CAPN2: variants seen among roughly 807,000 people sequenced by gnomAD.
The protein encoded by CAPN2 is calpain 2.
A neutral mutation model predicts 102.3 loss-of-function variants in CAPN2; 92 were observed. The observed-to-expected ratio is 0.90, with a 90% confidence interval of 0.76 to 1.07. CAPN2 has a LOEUF of 1.07. Ranked by LOEUF, CAPN2 falls within the 50% of genes least tolerant of loss-of-function variation. The probability of loss-of-function intolerance (pLI) is 0.00; values close to 1 mark genes in which losing one functional copy is unlikely to be tolerated. For missense variants in CAPN2, 800 were observed against 909.4 expected (o/e 0.88, Z 1.55); for synonymous variants, 340 against 355.4 (o/e 0.96, Z 0.49).
At position 223,725,287 on chromosome 1, in the gene CAPN2, G is replaced by A. The variant is rs1660161137; in HGVS notation, c.307+7456G>A. 6.6e-6 allele frequency among the ~76,000 whole-genome samples: 1 copy of A among 152,110 alleles called. No individual in the cohort carries two copies. The highest frequency in any genetic ancestry group is 1.5e-5 in the Non-Finnish European group (1 of 68,034). On this transcript the variant is annotated intron_variant, in intron 2 of 20. Coordinates refer to ENST00000295006, the MANE Select transcript of CAPN2 (RefSeq NM_001748.5). This position sits in a 1 kb window ranked among gnomAD's most constrained non-coding sequence, Gnocchi z 4.1. ...AGTCCCAGCTACTCAGGAGGCTGAGGCAGGAGAATCGCTTGAACCTGAGAG... is the reference window on the plus strand; with the variant it reads ...AGTCCCAGCTACTCAGGAGGCTGAGACAGGAGAATCGCTTGAACCTGAGAG...
intron 14 of CAPN2, among the ~76,000 whole-genome samples, chr1:223,763,183 C>G (rs929799592): frequency 8.6e-5 from 13 of 151,550 alleles, no homozygotes; most frequent in Non-Finnish European, 1.5e-4. Context: ...TTATTTAGCC[C>G]TCTTTCTTCC....
At chr1:223,773,464 C>A (rs1033934092) in intron 20 of CAPN2, among the ~76,000 whole-genome samples, 3 of 151,994 alleles carry the variant, frequency 2.0e-5, no homozygotes, top group Non-Finnish European at 4.4e-5. Flanking sequence ...GAGGCCAAGG[C>A]GGGCGAATCA....
intron 16 of CAPN2, among the ~76,000 whole-genome samples, chr1:223,767,237 G>A (rs2102814927): frequency 6.6e-6 from 1 of 151,986 alleles, no homozygotes; most frequent in African/African-American, 2.4e-5. Flanking sequence ...TGTGCACAAT[G>A]TGCAGGTTAG....
Position 223,725,358 on chromosome 1 carries a change from G to A in CAPN2, c.307+7527G>A, listed in dbSNP as rs1207430340. 2.6e-5 allele frequency among the ~76,000 whole-genome samples: 4 copies of A among 151,916 alleles called. No homozygotes were observed. Among genetic ancestry groups the A allele is most frequent in the African/African-American group, 9.7e-5 (4 of 41,316 alleles). ...TGATCGCACCACTGCACTCCATCCT[G>A]GGCAATAGAGCGAGACTTCATCTCA... On this transcript the variant is annotated intron_variant, in intron 2 of 20. Transcript: ENST00000295006. The surrounding 1 kb of genome is among the most constrained non-coding windows in gnomAD (Gnocchi z 4.1).
intron 5 of CAPN2, among the ~76,000 whole-genome samples, chr1:223,748,632 T>C (rs554306806): frequency 4.6e-5 from 7 of 152,086 alleles, no homozygotes; most frequent in African/African-American, 1.7e-4. Context: ...TGTCTGGGTA[T>C]CAGCCCTGCG....
In CAPN2 at chr1:223,752,812, T is replaced by G; in HGVS notation, c.991T>G (p.Phe331Val). 1.2e-6 allele frequency: 2 copies of G among 1,614,112 alleles called. No homozygotes were observed. The highest frequency in any genetic ancestry group is 1.7e-6 in the Non-Finnish European group (2 of 1,180,000). Residue 331 changes from phenylalanine to valine, a missense_variant, in exon 9 of 21, where the codon TTC becomes GTC. Physicochemically the swap from Phe to Val is conservative, Grantham distance 50. Transcript: ENST00000295006. ...DGEFWMSFSD[F>V]LRHYSRLEIC... ...TTTTGCCAGGATGTCTTTCAGTGAC[T>G]TCCTGAGGCACTATTCCCGCCTGGA... is the stretch of plus-strand genomic sequence containing the variant.
upstream of CAPN2, among the ~76,000 whole-genome samples, chr1:223,710,205 G>T (rs906733915): frequency 2.6e-5 from 4 of 152,130 alleles, no homozygotes; most frequent in Non-Finnish European, 5.9e-5. Flanking sequence ...GAACCCGGGA[G>T]GCAGAAGATG....
At chr1:223,717,672 G>A (rs1659913201) in intron 1 of CAPN2, 90 bp from the exon 2 acceptor site, 10 of 976,638 alleles carry the variant, frequency 1.0e-5, no homozygotes, top group Middle Eastern at 4.3e-4. Context: ...GGGGAGAAGG[G>A]GTTAGAAGAC....
In CAPN2 at chr1:223,759,194, A is replaced by G; in HGVS notation, c.1318-76A>G. 7.3e-7 allele frequency: 1 copy of G among 1,373,466 alleles called. No individual in the cohort carries two copies. Among genetic ancestry groups the G allele is most frequent in the Non-Finnish European group, 1.0e-6 (1 of 966,702 alleles). 85.1% of individuals were successfully genotyped at this position (1,373,466 alleles called of 1,614,324 possible). ...GCCACCACACTACCCAACTGCTTTT[A>G]TCTCAGTGAATGAAAATGATACTTG... On this transcript the variant is annotated intron_variant, in intron 11 of 20. Coordinates refer to ENST00000295006, the MANE Select transcript of CAPN2 (RefSeq NM_001748.5). This position sits in a 1 kb window ranked among gnomAD's most constrained non-coding sequence, Gnocchi z 4.6.
In CAPN2 at chr1:223,775,833, C is replaced by T. The variant is rs943928805; in HGVS notation, c.*976C>T. ...GTTAAATAAAAATAAAGGGTTACCC[C>T]ATGCAATCACACCATGCCATGTTTT... is the stretch of plus-strand genomic sequence containing the variant. On this transcript the variant is annotated 3_prime_UTR_variant, in exon 21 of 21. Transcript: ENST00000295006. 1.3e-5 allele frequency: 2 copies of T among 152,622 alleles called. No homozygotes were observed. The highest frequency in any genetic ancestry group is 2.4e-5 in the African/African-American group (1 of 41,434). 9.5% of individuals were successfully genotyped at this position (152,622 alleles called of 1,614,324 possible).
chr1:223,766,326 C>T (rs181101826), intron 15 of CAPN2, 41 bp from the exon 16 acceptor site: 26 of 1,488,500 alleles, frequency 1.7e-5, no homozygotes, highest in East Asian at 1.1e-4. Context: ...TGGACATCAC[C>T]GCTCAGAGAT....
In CAPN2 at chr1:223,752,819, G is replaced by A. The variant is rs747098195; in HGVS notation, c.998G>A (p.Arg333Lys). 4 of 1,614,018 alleles carry A rather than the reference G, an allele frequency of 2.5e-6. No individual in the cohort carries two copies. Among genetic ancestry groups the A allele is most frequent in the Non-Finnish European group, 2.5e-6 (3 of 1,180,042 alleles). ...AGGATGTCTTTCAGTGACTTCCTGA[G>A]GCACTATTCCCGCCTGGAGATCTGT... Reference protein sequence around the residue: ...EFWMSFSDFLRHYSRLEICNL... With the variant: ...EFWMSFSDFLKHYSRLEICNL... The change falls in exon 9 of 21, where the codon AGG becomes AAG. Residue 333 changes from arginine (R) to lysine (K), a missense_variant. Transcript: ENST00000295006.
chr1:223,719,242 G>A (rs1368337065), intron 2 of CAPN2, among the ~76,000 whole-genome samples: 2 of 152,102 alleles, frequency 1.3e-5, no homozygotes, highest in Admixed American at 1.3e-4. Context: ...GGGGGCTTTA[G>A]AGAATCCAGA....
At chr1:223,735,176 G>A (rs767678146) in intron 2 of CAPN2, among the ~76,000 whole-genome samples, 20 of 152,152 alleles carry the variant, frequency 1.3e-4, no homozygotes, top group Non-Finnish European at 2.6e-4. Context: ...CCAGCTTAGA[G>A]AAATTAAGAA....
chr1:223,745,815 G>C (rs1660738457), intron 4 of CAPN2, among the ~76,000 whole-genome samples: 2 of 152,182 alleles, frequency 1.3e-5, no homozygotes, highest in Non-Finnish European at 2.9e-5. Flanking sequence ...TGATTGTGCT[G>C]GACTTGAGAA....
In CAPN2 at chr1:223,737,710, G is replaced by GTT; in HGVS notation, c.308-6390_308-6389insTT. Among the ~76,000 whole-genome samples, 5 of 32,038 alleles carry GTT rather than the reference G, an allele frequency of 1.6e-4. 2 individuals carry two copies. In the East Asian group the frequency reaches 4.9e-3, roughly 32 times the overall value. The allele number at this position is 32,038 out of a possible 152,430, so 21.0% of individuals were successfully genotyped here. A position where few individuals can be genotyped will look rare whatever the true frequency, so the allele number is the denominator to read the frequency against. The stretch of plus-strand genomic sequence containing the variant: ...GGCCTGACCAAAAGAGACGGGGCGG[G>GTT]GGGTGGGGGGGAGAGAATACAATAA... On this transcript the variant is annotated intron_variant, in intron 2 of 20. Coordinates refer to ENST00000295006, the MANE Select transcript of CAPN2 (RefSeq NM_001748.5).
intron 1 of CAPN2, among the ~76,000 whole-genome samples, chr1:223,716,747 G>T (rs1007930927): frequency 6.6e-6 from 1 of 151,956 alleles, no homozygotes; most frequent in Non-Finnish European, 1.5e-5. Context: ...CTTCCTCTGT[G>T]GCTTTTGGGT....
In CAPN2 at chr1:223,723,207, G is replaced by A. The variant is rs145624264; in HGVS notation, c.307+5376G>A. Among the ~76,000 whole-genome samples, 1,090 of 152,154 alleles carry A rather than the reference G, an allele frequency of 7.2e-3. 4 individuals carry two copies. Among genetic ancestry groups the A allele is most frequent in the Middle Eastern group, 0.027 (8 of 294 alleles). On this transcript the variant is annotated intron_variant, in intron 2 of 20. Transcript: ENST00000295006. ...CACATGCCTGTCGTCCCAGCTACTC[G>A]GGAGGCTGAAGCAGGAGGATCACTT...
At chr1:223,742,504 A>G (rs1324163203) in intron 2 of CAPN2, among the ~76,000 whole-genome samples, 1 of 116,378 alleles carries the variant, frequency 8.6e-6, no homozygotes, top group Non-Finnish European at 1.6e-5. Context: ...GTGTGTATAT[A>G]TATATATATA....
Sources: allele counts gnomAD v4.1 joint callset (sites outside exome capture counted in the v4.1 genomes callset), GRCh38; gene constraint gnomAD v4.1.1; non-coding constraint Gnocchi (gnomAD v3.1); transcripts MANE v1.5; gene names NCBI Gene and HGNC (gene_info 2026-07-23, HGNC 2026-07-21).